The following TSPAN15 variants were observed in gnomAD, a reference collection of about 807,000 sequenced individuals.
TSPAN15 encodes the protein tetraspanin-15.
TSPAN15 carries 20 observed loss-of-function variants against 34.5 expected under a neutral mutation model. That is an observed-to-expected ratio of 0.58 (90% CI 0.41 to 0.84). TSPAN15 has a LOEUF of 0.84. Ranked by LOEUF, TSPAN15 falls within the 40% of genes least tolerant of loss-of-function variation. The pLI is 0.00. For synonymous variants in TSPAN15, 155 were observed against 153.9 expected (o/e 1.01, Z -0.05); for missense variants, 313 against 386.1 (o/e 0.81, Z 1.59).
Position 69,506,658 on chromosome 10 carries a change from C to T in TSPAN15, c.736-171C>T, listed in dbSNP as rs1396196038. 6.6e-6 allele frequency among the ~76,000 whole-genome samples: 1 copy of T among 152,142 alleles called. No homozygotes were observed. The highest frequency in any genetic ancestry group is 2.4e-5 in the African/African-American group (1 of 41,434). ...AGGGGAGAGGGGGCCCAGGTGGGAG[C>T]TTCTTGGGCAGTGTGGGTGCTGGGA... On this transcript the variant is annotated intron_variant, in intron 7 of 7. Transcript: ENST00000373290. The surrounding 1 kb of genome is among the most constrained non-coding windows in gnomAD (Gnocchi z 4.7).
chr10:69,482,632 C>T (rs1351027716), intron 1 of TSPAN15, among the ~76,000 whole-genome samples: 3 of 152,136 alleles, frequency 2.0e-5, no homozygotes, highest in Non-Finnish European at 2.9e-5. Flanking sequence ...CATTCACTCG[C>T]GAAAGCCGTG....
At chr10:69,508,912 C>G (rs975138915), downstream of TSPAN15, among the ~76,000 whole-genome samples, 13 of 152,244 alleles carry the variant, frequency 8.5e-5, no homozygotes, top group Non-Finnish European at 1.3e-4. Flanking sequence ...GAGGCTGCAG[C>G]TGCTTCTGAA....
At chr10:69,530,820 C>CTATATATATATA in the TSPAN15 span, among the ~76,000 whole-genome samples, 17 of 30,774 alleles carry the variant, frequency 5.5e-4, no homozygotes, top group Non-Finnish European at 7.8e-4. Context: ...CTCTCTCTCT[C>CTATATATATATA]TATATATATA....
At chr10:69,455,088 G>GGAAGCGGA (rs1841055468) in intron 1 of TSPAN15, among the ~76,000 whole-genome samples, 1 of 150,910 alleles carries the variant, frequency 6.6e-6, no homozygotes, top group Admixed American at 6.6e-5. Context: ...CTAGAACCCG[G>GGAAGCGGA]GAAGCGGAGG....
intron 1 of TSPAN15, among the ~76,000 whole-genome samples, 167 bp from the exon 2 acceptor site, chr10:69,483,524 A>T (rs1414759958): frequency 6.6e-6 from 1 of 152,082 alleles, no homozygotes; most frequent in Admixed American, 6.5e-5. Flanking sequence ...TAGGATTTCA[A>T]TAGAGAAAAT....
the TSPAN15 span, among the ~76,000 whole-genome samples, chr10:69,539,533 A>AGAAGGAGAAGG: frequency 6.2e-5 from 3 of 48,304 alleles, no homozygotes; most frequent in African/African-American, 2.1e-4. Flanking sequence ...GAAGAAGAAG[A>AGAAGGAGAAGG]AGAAGGAGAA....
At chr10:69,516,000 A>G in the TSPAN15 span, among the ~76,000 whole-genome samples, 3 of 152,248 alleles carry the variant, frequency 2.0e-5, no homozygotes, top group Non-Finnish European at 4.4e-5. Context: ...TAGGTGCTCA[A>G]TAAATAATTA....
the TSPAN15 span, among the ~76,000 whole-genome samples, chr10:69,515,277 T>C: frequency 6.6e-6 from 1 of 152,228 alleles, no homozygotes; most frequent in Non-Finnish European, 1.5e-5. Flanking sequence ...CAATCCCTTG[T>C]TGACCTCATC....
At chr10:69,462,387 T>C (rs1158186545) in intron 1 of TSPAN15, among the ~76,000 whole-genome samples, 1 of 151,926 alleles carries the variant, frequency 6.6e-6, no homozygotes, top group Non-Finnish European at 1.5e-5. Context: ...CAGGCTGGAG[T>C]GCAGTGGCGT....
chr10:69,549,265 A>G, the TSPAN15 span, among the ~76,000 whole-genome samples: 5 of 152,206 alleles, frequency 3.3e-5, no homozygotes, highest in African/African-American at 1.2e-4. Flanking sequence ...TACTGTTATC[A>G]TACATGTTGC....
intron 5 of TSPAN15, among the ~76,000 whole-genome samples, chr10:69,499,845 G>A (rs892095574): frequency 6.6e-6 from 1 of 152,110 alleles, no homozygotes; most frequent in African/African-American, 2.4e-5. Flanking sequence ...CTGTGCAAAG[G>A]CCCCAGGTGG....
At chr10:69,547,625 C>G in the TSPAN15 span, among the ~76,000 whole-genome samples, 1 of 152,156 alleles carries the variant, frequency 6.6e-6, no homozygotes, top group Admixed American at 6.5e-5. Flanking sequence ...GACCCAGAAA[C>G]AGGAAGTAAA....
chr10:69,513,694 C>T, the TSPAN15 span, among the ~76,000 whole-genome samples: 11 of 152,198 alleles, frequency 7.2e-5, no homozygotes, highest in African/African-American at 1.9e-4. Context: ...TTTATAGTTA[C>T]GTTACAATTA....
chr10:69,473,610 G>T (rs1017670699), intron 1 of TSPAN15, among the ~76,000 whole-genome samples: 2 of 152,110 alleles, frequency 1.3e-5, no homozygotes, highest in African/African-American at 2.4e-5. Flanking sequence ...GCAACCCTTG[G>T]GGTTGTCATG....
At chr10:69,543,308 G>A in the TSPAN15 span, among the ~76,000 whole-genome samples, 1 of 152,136 alleles carries the variant, frequency 6.6e-6, no homozygotes, top group Non-Finnish European at 1.5e-5. Flanking sequence ...AGTCTATCTC[G>A]GTCTGCTTTT....
intron 1 of TSPAN15, among the ~76,000 whole-genome samples, chr10:69,459,653 G>A (rs184911360): frequency 6.6e-6 from 1 of 152,288 alleles, no homozygotes; most frequent in Non-Finnish European, 1.5e-5. Flanking sequence ...GGGTGGCAGG[G>A]GCCTGGCTGT....
At chr10:69,498,999 G>A (rs1351529205) in intron 5 of TSPAN15, among the ~76,000 whole-genome samples, 2 of 152,224 alleles carry the variant, frequency 1.3e-5, no homozygotes, top group Non-Finnish European at 2.9e-5. Flanking sequence ...CAGCAGCAGA[G>A]TGCTTGGAAG....
At chr10:69,533,559 G>T in the TSPAN15 span, among the ~76,000 whole-genome samples, 1 of 152,150 alleles carries the variant, frequency 6.6e-6, no homozygotes, top group Non-Finnish European at 1.5e-5. Flanking sequence ...CAAATAGGGT[G>T]CAGTGTATAC....
At chr10:69,518,711 C>T in the TSPAN15 span, among the ~76,000 whole-genome samples, 18,877 of 152,188 alleles carry the variant, frequency 0.12, 1,413 homozygotes, top group Non-Finnish European at 0.16. Flanking sequence ...CGTGAGCCAC[C>T]GCACCCGGCC....
Sources: allele counts gnomAD v4.1 joint callset (sites outside exome capture counted in the v4.1 genomes callset), GRCh38; gene constraint gnomAD v4.1.1; non-coding constraint Gnocchi (gnomAD v3.1); transcripts MANE v1.5; gene names NCBI Gene and HGNC (gene_info 2026-07-23, HGNC 2026-07-21).